GPM6B: variants seen among roughly 807,000 people sequenced by gnomAD.
GPM6B encodes neuronal membrane glycoprotein M6-b.
Under a neutral mutation model 27.2 loss-of-function variants are expected in GPM6B, and 4 were observed. The observed-to-expected ratio is 0.15, with a 90% CI of 0.07 to 0.34. GPM6B has a LOEUF of 0.34. Ranked by LOEUF, GPM6B falls within the 10% of genes least tolerant of loss-of-function variation. The pLI, the probability that GPM6B is intolerant of heterozygous loss-of-function variation, is 1.00. For missense variants in GPM6B, 183 were observed against 261.9 expected, an observed-to-expected ratio of 0.70 and a Z score of 2.08; for synonymous variants, 124 against 103.1, an observed-to-expected ratio of 1.20 and a Z score of -1.23.
At position 13,772,159 on chromosome X, in the gene GPM6B, T is replaced by C. The variant is rs896235650; in HGVS notation, c.*722A>G. On this transcript the variant is annotated 3_prime_UTR_variant, in exon 8 of 8. Coordinates refer to ENST00000316715, the MANE Select transcript of GPM6B (RefSeq NM_001001995.3). ...TTTCTCAAGAATAATGAAAATTGGA[T>C]CAGTATTTTGTTAAAATGAAATCTG... The C allele has an allele frequency of 8.9e-6, 1 of 112,684 alleles. No individual in the cohort carries two copies. Among genetic ancestry groups the C allele is most frequent in the Non-Finnish European group, 1.9e-5 (1 of 53,246 alleles). The allele number at this position is 112,684 out of a possible 1,213,427, so 9.3% of individuals were successfully genotyped here.
intron 1 of GPM6B, among the ~76,000 whole-genome samples, chrX:13,856,676 A>C (rs1287883772): frequency 9.2e-6 from 1 of 108,771 alleles, no homozygotes; most frequent in Admixed American, 1.0e-4. Context: ...GCTGAAGTCA[A>C]GGTGTCTGCA....
chrX:13,840,686 T>TCTCCC lies in GPM6B; in HGVS notation c.-197-54883_-197-54879dup, dbSNP rs2049562213. Reference sequence around the variant, plus strand: ...ATGTTCAAAAGGCTCCTCTCTCTCCTCTCCCCGGACATTACCCTTTATAAT... The same window carrying TCTCCC: ...ATGTTCAAAAGGCTCCTCTCTCTCCTCTCCCCTCCCCGGACATTACCCTTTATAAT... On this transcript the variant is annotated intron_variant, in intron 1 of 6. Transcript: ENST00000398361. Among the ~76,000 whole-genome samples the TCTCCC allele has an allele frequency of 2.7e-5, 3 of 110,756 alleles. No individual in the cohort carries two copies. The South Asian group carries it at 1.2e-3, about 43-fold the overall frequency.
chrX:13,784,301 G>C (rs1484548601), intron 3 of GPM6B, among the ~76,000 whole-genome samples: 1 of 112,170 alleles, frequency 8.9e-6, no homozygotes, highest in Non-Finnish European at 1.9e-5. Flanking sequence ...CACAGACTGA[G>C]ATCACTACCT....
chrX:13,860,064 A>C (rs1772880147), intron 1 of GPM6B, among the ~76,000 whole-genome samples: 1 of 112,443 alleles, frequency 8.9e-6, no homozygotes, highest in African/African-American at 3.2e-5. Context: ...GTGACAATGG[A>C]TACATCACTT....
chrX:13,834,507 A>G (rs1229287146), intron 1 of GPM6B, among the ~76,000 whole-genome samples: 1 of 112,673 alleles, frequency 8.9e-6, no homozygotes, highest in African/African-American at 3.2e-5. Flanking sequence ...ATGCCATACA[A>G]TTAAGTAAGC....
At chrX:13,849,520 T>C (rs971004440) in intron 1 of GPM6B, among the ~76,000 whole-genome samples, 2 of 112,465 alleles carry the variant, frequency 1.8e-5, no homozygotes, top group African/African-American at 6.5e-5. Flanking sequence ...TTGAACATAA[T>C]CAGCTCCAGG....
rs1253980935 is a variant in GPM6B at position 13,849,135 on chromosome X, A to T, written c.-197-63327T>A. Among the ~76,000 whole-genome samples the T allele has an allele frequency of 2.7e-5, 3 of 112,511 alleles. No homozygotes were observed. In the Admixed American group the frequency reaches 2.8e-4, roughly 11 times the overall value. ...TACTCTGGTAAATTTTATAATATGT[A>T]AATTATACCCAAATACAATTGTTTA... On this transcript the variant is annotated intron_variant, in intron 1 of 6. Transcript: ENST00000398361.
At chrX:13,914,361 T>C (rs2050408463) in intron 1 of GPM6B, among the ~76,000 whole-genome samples, 1 of 112,487 alleles carries the variant, frequency 8.9e-6, no homozygotes. Flanking sequence ...CCAGAGTCTT[T>C]TGAAGCTAGG....
chrX:13,905,822 T>G (rs755750689), intron 1 of GPM6B, among the ~76,000 whole-genome samples: 4 of 111,109 alleles, frequency 3.6e-5, no homozygotes, highest in African/African-American at 1.3e-4. Flanking sequence ...CTATTTGATC[T>G]TGGATGTGAG....
chrX:13,875,344 G>C (rs1281470897), intron 1 of GPM6B, among the ~76,000 whole-genome samples: 2 of 111,528 alleles, frequency 1.8e-5, no homozygotes, highest in African/African-American at 6.5e-5. Flanking sequence ...ATGAATTATG[G>C]GAAGCTGCAG....
At chrX:13,938,612 G>A, upstream of GPM6B, 1 of 386,310 alleles carries the variant, frequency 2.6e-6, no homozygotes, top group Non-Finnish European at 4.0e-6. Context: ...GGGCACGTGC[G>A]CTGACCGGGC....
chrX:13,933,125 A>G (rs1160266734), intron 1 of GPM6B, among the ~76,000 whole-genome samples: 1 of 112,207 alleles, frequency 8.9e-6, no homozygotes, highest in Non-Finnish European at 1.9e-5. Context: ...ATGTTGACAG[A>G]CCTTAATAAA....
chrX:13,841,058 TCA>T (rs2049567963), intron 1 of GPM6B, among the ~76,000 whole-genome samples: 1 of 112,483 alleles, frequency 8.9e-6, no homozygotes, highest in Non-Finnish European at 1.9e-5. Flanking sequence ...CTTTAGACGT[TCA>T]TATATGAATA....
At chrX:13,808,696 G>A (rs1056369733) in intron 1 of GPM6B, among the ~76,000 whole-genome samples, 1 of 111,289 alleles carries the variant, frequency 9.0e-6, no homozygotes, top group African/African-American at 3.3e-5. Context: ...TGCCATTGAT[G>A]TGGGTAATGA....
intron 1 of GPM6B, among the ~76,000 whole-genome samples, chrX:13,863,880 G>A (rs1461540969): frequency 8.9e-6 from 1 of 112,694 alleles, no homozygotes. Context: ...AATGGTGAAA[G>A]GAATCAGAGA....
chrX:13,927,944 G>T (rs1470778505), intron 1 of GPM6B, among the ~76,000 whole-genome samples: 1 of 111,595 alleles, frequency 9.0e-6, no homozygotes, highest in African/African-American at 3.3e-5. Flanking sequence ...TAAAATAGAG[G>T]GTAGGAACCA....
chrX:13,927,208 T>A (rs1334402456), intron 1 of GPM6B, among the ~76,000 whole-genome samples: 1 of 110,373 alleles, frequency 9.1e-6, no homozygotes, highest in Non-Finnish European at 1.9e-5. Context: ...CTATCAGATA[T>A]TTGAAAAAAT....
intron 2 of GPM6B, among the ~76,000 whole-genome samples, chrX:13,801,351 G>A (rs184785217): frequency 8.9e-5 from 10 of 111,959 alleles, no homozygotes. Flanking sequence ...GGGGCCTGGA[G>A]GGCAGAGGAT....
chrX:13,865,171 G>A (rs1031060578), intron 1 of GPM6B, among the ~76,000 whole-genome samples: 14 of 110,682 alleles, frequency 1.3e-4, no homozygotes, highest in African/African-American at 4.3e-4. Flanking sequence ...GAAAAAGCTG[G>A]GAGGCATCCA....
Sources: allele counts gnomAD v4.1 joint callset (sites outside exome capture counted in the v4.1 genomes callset), GRCh38; gene constraint gnomAD v4.1.1; transcripts MANE v1.5; gene names NCBI Gene and HGNC (gene_info 2026-07-23, HGNC 2026-07-21).